The following GATAD2B variants were observed in gnomAD, a reference collection of about 807,000 sequenced individuals.
GATAD2B encodes transcriptional repressor p66-beta.
GATAD2B carries 8 observed loss-of-function variants against 64.3 expected under a neutral mutation model. That is an observed-to-expected ratio of 0.12 (90% CI 0.07 to 0.22). GATAD2B has a LOEUF of 0.22. Among genes scored for constraint, GATAD2B ranks in the 10% least tolerant of loss-of-function variants. The probability of loss-of-function intolerance (pLI) is 1.00; values close to 1 mark genes in which losing one functional copy is unlikely to be tolerated. For synonymous variants in GATAD2B, 281 were observed against 271.3 expected (o/e 1.04, Z -0.35); for missense variants, 453 against 752.0 (o/e 0.60, Z 4.65).
intron 1 of GATAD2B, among the ~76,000 whole-genome samples, chr1:153,868,943 C>T (rs1340960028): frequency 6.6e-6 from 1 of 152,038 alleles, no homozygotes; most frequent in Admixed American, 6.6e-5. Flanking sequence ...TACTTAGAAG[C>T]CACTGTGTAA....
intron 1 of GATAD2B, among the ~76,000 whole-genome samples, chr1:153,902,324 G>A (rs1677804872): frequency 6.6e-6 from 1 of 152,056 alleles, no homozygotes; most frequent in African/African-American, 2.4e-5. Context: ...TTCAGGATTT[G>A]GTAAGCCTAT....
At chr1:153,818,347 C>T (rs1353357193) in intron 4 of GATAD2B, among the ~76,000 whole-genome samples, 176 bp from the exon 5 acceptor site, 1 of 137,866 alleles carries the variant, frequency 7.3e-6, no homozygotes, top group Non-Finnish European at 1.5e-5. Context: ...CAGAGTCTTG[C>T]TCTGTCGCCC....
chr1:153,862,843 G>A (rs1307857135), intron 1 of GATAD2B, among the ~76,000 whole-genome samples: 2 of 151,018 alleles, frequency 1.3e-5, no homozygotes, highest in Non-Finnish European at 2.9e-5. Flanking sequence ...TCCTGCCTCA[G>A]CCTCCCAAGT....
At chr1:153,886,178 C>A (rs1031765623) in intron 1 of GATAD2B, among the ~76,000 whole-genome samples, 2 of 152,198 alleles carry the variant, frequency 1.3e-5, no homozygotes, top group East Asian at 3.8e-4. Context: ...CCCATTTTAA[C>A]ATACAGTTAT....
At chr1:153,850,860 G>A (rs1675867508) in intron 1 of GATAD2B, among the ~76,000 whole-genome samples, 1 of 151,738 alleles carries the variant, frequency 6.6e-6, no homozygotes, top group South Asian at 2.1e-4. Flanking sequence ...GGCGGAGGTT[G>A]CAGTGAGCCG....
chr1:153,888,273 A>G (rs990308458), intron 1 of GATAD2B, among the ~76,000 whole-genome samples: 11 of 151,558 alleles, frequency 7.3e-5, no homozygotes, highest in Admixed American at 1.3e-4. Context: ...CTATCCTTGG[A>G]AAAAAAACCA....
intron 1 of GATAD2B, among the ~76,000 whole-genome samples, chr1:153,847,750 T>C (rs765614033): frequency 6.6e-6 from 1 of 152,226 alleles, no homozygotes; most frequent in Non-Finnish European, 1.5e-5. Flanking sequence ...ATGAGATATA[T>C]CTTGGACCAT....
intron 1 of GATAD2B, among the ~76,000 whole-genome samples, chr1:153,887,355 A>G (rs1677214311): frequency 6.6e-6 from 1 of 152,224 alleles, no homozygotes; most frequent in African/African-American, 2.4e-5. Context: ...TTAGTCTAAC[A>G]AGGGAAGTCA....
intron 1 of GATAD2B, among the ~76,000 whole-genome samples, chr1:153,879,862 C>G (rs981321333): frequency 6.6e-6 from 1 of 150,854 alleles, no homozygotes; most frequent in Non-Finnish European, 1.5e-5. Flanking sequence ...GACACAATCA[C>G]TACAACTGAA....
At chr1:153,852,264 T>C in intron 1 of GATAD2B, 1 of 1,214,232 alleles carries the variant, frequency 8.2e-7, no homozygotes, top group Non-Finnish European at 1.2e-6. Flanking sequence ...ATCTAAAGAT[T>C]CCTTCATTTT....
chr1:153,806,562 T>C lies in GATAD2B; in HGVS notation c.*3615A>G, dbSNP rs1450157136. On this transcript the variant is annotated 3_prime_UTR_variant, in exon 11 of 11. Transcript: ENST00000368655. Reference sequence around the variant, plus strand: ...CAAACGGGCACATTACAAAATGACATAACACAGTTTCACAATATCCATGGC... The same window carrying C: ...CAAACGGGCACATTACAAAATGACACAACACAGTTTCACAATATCCATGGC... 2.7e-5 allele frequency: 4 copies of C among 150,166 alleles called. No homozygotes were observed. 9.3% of individuals were successfully genotyped at this position (150,166 alleles called of 1,614,324 possible).
At position 153,878,754 on chromosome 1, in the gene GATAD2B, G is replaced by T. The variant is rs1676912489; in HGVS notation, c.-2+43979C>A. On this transcript the variant is annotated intron_variant, in intron 1 of 10. Coordinates refer to ENST00000368655, the MANE Select transcript of GATAD2B (RefSeq NM_020699.4). ...AACTCACATAAAACCAACTGTAACA[G>T]TGTGACCCATACTTTATTCCTTTTT... Among the ~76,000 whole-genome samples the T allele has an allele frequency of 2.0e-5, 3 of 147,920 alleles. No individual in the cohort carries two copies. In the South Asian group the frequency reaches 6.5e-4, roughly 32 times the overall value.
intron 7 of GATAD2B, among the ~76,000 whole-genome samples, 178 bp from the exon 8 acceptor site, chr1:153,813,630 T>C (rs1290438521): frequency 6.6e-6 from 1 of 152,196 alleles, no homozygotes; most frequent in African/African-American, 2.4e-5. Context: ...AGTATCACTT[T>C]AGGGAATTCA....
At chr1:153,826,849 G>T (rs939449441) in intron 2 of GATAD2B, among the ~76,000 whole-genome samples, 1 of 151,534 alleles carries the variant, frequency 6.6e-6, no homozygotes, top group African/African-American at 2.4e-5. Context: ...GCTAGGGCGC[G>T]AAGATAACTT....
At chr1:153,862,114 T>C (rs1416268616) in intron 1 of GATAD2B, among the ~76,000 whole-genome samples, 1 of 144,478 alleles carries the variant, frequency 6.9e-6, no homozygotes, top group Non-Finnish European at 1.5e-5. Context: ...ACATACATTA[T>C]ATCCTTTTTT....
intron 1 of GATAD2B, among the ~76,000 whole-genome samples, chr1:153,913,844 C>T (rs570329015): frequency 6.7e-6 from 1 of 150,296 alleles, no homozygotes; most frequent in African/African-American, 2.4e-5. Context: ...GGCGTGAACC[C>T]GGGAGGCAGA....
At chr1:153,857,023 ACATAT>A (rs1676105023) in intron 1 of GATAD2B, among the ~76,000 whole-genome samples, 1 of 152,080 alleles carries the variant, frequency 6.6e-6, no homozygotes, top group African/African-American at 2.4e-5. Flanking sequence ...TGGGGAAAAA[ACATAT>A]CAGATAAGAA....
chr1:153,922,515 G>A (rs982491813), intron 1 of GATAD2B, among the ~76,000 whole-genome samples: 6 of 147,482 alleles, frequency 4.1e-5, no homozygotes, highest in African/African-American at 1.0e-4. Context: ...AGGAGCGCGA[G>A]GCGGGGGCGC....
At position 153,828,124 on chromosome 1, in the gene GATAD2B, T is replaced by C. The variant is rs1261215556; in HGVS notation, c.224A>G (p.Tyr75Cys). Residue 75 changes from tyrosine (Y) to cysteine (C), a missense_variant, in exon 2 of 11, where the codon TAT (tyrosine) becomes TGT (cysteine). Coordinates refer to ENST00000368655, the MANE Select transcript of GATAD2B (RefSeq NM_020699.4). The part of the protein sequence containing the change: ...TKQDGSGVKG[Y>C]EEKLNGNLRP... ...GAGATTCCCGTTAAGTTTTTCTTCA[T>C]AGCCCTTGACACCACTGCCATCCTG... 3 of 1,614,196 alleles carry C rather than the reference T, an allele frequency of 1.9e-6. No homozygotes were observed. The highest frequency in any genetic ancestry group is 2.5e-6 in the Non-Finnish European group (3 of 1,180,016).
Sources: gnomAD v4.1 joint callset for allele counts (sites outside exome capture counted in the v4.1 genomes callset) on GRCh38, gnomAD v4.1.1 for gene constraint, MANE v1.5 for transcripts, NCBI Gene and HGNC (gene_info 2026-07-23, HGNC 2026-07-21) for gene names.